The following MICAL3 variants were observed in gnomAD, a reference collection of about 807,000 sequenced individuals.
The protein encoded by MICAL3 is [F-actin]-monooxygenase MICAL3.
MICAL3 carries 62 observed loss-of-function variants against 207.4 expected under a neutral mutation model. That is an observed-to-expected ratio of 0.30 (90% confidence interval 0.24 to 0.37). MICAL3 has a LOEUF of 0.37. Ranked by LOEUF, MICAL3 falls within the 10% of genes least tolerant of loss-of-function variation. The pLI, the probability that MICAL3 is intolerant of heterozygous loss-of-function variation, is 1.00. For synonymous variants in MICAL3, 1,077 were observed against 1,069.3 expected (o/e 1.01, Z -0.14); for missense variants, 2,368 against 2,635.6 (o/e 0.90, Z 2.22).
intron 1 of MICAL3, among the ~76,000 whole-genome samples, chr22:17,986,090 A>G (rs1371404622): frequency 2.6e-5 from 4 of 152,176 alleles, no homozygotes; most frequent in Non-Finnish European, 4.4e-5. Flanking sequence ...TATTTTTAGT[A>G]GAGATAGGGT....
At chr22:17,803,140 C>T (rs1415396128) in intron 29 of MICAL3, among the ~76,000 whole-genome samples, 4 of 152,098 alleles carry the variant, frequency 2.6e-5, no homozygotes. Flanking sequence ...CTAACAGGCT[C>T]CTAGGTGATG....
chr22:17,992,217 C>T (rs1921764510), intron 1 of MICAL3, among the ~76,000 whole-genome samples: 1 of 152,162 alleles, frequency 6.6e-6, no homozygotes, highest in African/African-American at 2.4e-5. Flanking sequence ...GGGAAATGGT[C>T]CCAGCCTTTC....
intron 1 of MICAL3, among the ~76,000 whole-genome samples, chr22:17,959,010 G>GGT (rs1934767224): frequency 1.2e-5 from 1 of 85,868 alleles, no homozygotes; most frequent in Non-Finnish European, 2.1e-5. Context: ...CGGGCCTGGG[G>GGT]TTTTTTTTTT....
intron 1 of MICAL3, among the ~76,000 whole-genome samples, chr22:17,912,299 G>T (rs1336775233): frequency 1.3e-5 from 2 of 151,798 alleles, no homozygotes; most frequent in African/African-American, 4.8e-5. Context: ...TCCTTTAGAA[G>T]GGCTGTTTTG....
intron 16 of MICAL3, chr22:17,876,892 T>TGGAGGTTAG (rs1569109367): frequency 7.8e-5 from 1 of 12,900 alleles, no homozygotes. Context: ...AGGGAGGTTA[T>TGGAGGTTAG]GGAGGTTAGG....
At chr22:17,995,319 G>A (rs1448477544) in intron 1 of MICAL3, among the ~76,000 whole-genome samples, 1 of 150,990 alleles carries the variant, frequency 6.6e-6, no homozygotes, top group East Asian at 2.0e-4. Flanking sequence ...TGCGACTATA[G>A]GTGTACACCA....
intron 16 of MICAL3, among the ~76,000 whole-genome samples, chr22:17,873,219 G>C (rs1927906910): frequency 1.3e-5 from 2 of 152,246 alleles, no homozygotes; most frequent in Non-Finnish European, 2.9e-5. Context: ...GCAGAGCTGG[G>C]CTGCATTCAC....
intron 20 of MICAL3, chr22:17,839,527 G>C (rs1451068964): frequency 6.6e-6 from 1 of 151,354 alleles, no homozygotes; most frequent in Non-Finnish European, 1.5e-5. Flanking sequence ...AAAGTGCTGG[G>C]ATTACAGGCA....
chr22:17,805,515 C>T (rs2061980676), intron 29 of MICAL3, among the ~76,000 whole-genome samples: 1 of 152,220 alleles, frequency 6.6e-6, no homozygotes, highest in South Asian at 2.1e-4. Context: ...GCTACTAAGG[C>T]CCATCTTGAA....
chr22:17,852,176 G>A (rs1372908762), intron 19 of MICAL3, among the ~76,000 whole-genome samples: 1 of 152,120 alleles, frequency 6.6e-6, no homozygotes, highest in Admixed American at 6.5e-5. Flanking sequence ...CTCTTAAATA[G>A]GTTCAGATGC....
At chr22:17,799,419 G>C (rs2061913343) in intron 29 of MICAL3, among the ~76,000 whole-genome samples, 1 of 152,200 alleles carries the variant, frequency 6.6e-6, no homozygotes, top group Non-Finnish European at 1.5e-5. Context: ...CTCAGGGCTG[G>C]AATTCCTTGG....
chr22:17,792,682 C>CA lies in MICAL3; in HGVS notation c.5651-1382dup, dbSNP rs527270250. Among the ~76,000 whole-genome samples, 42 of 152,354 alleles carry CA rather than the reference C, an allele frequency of 2.8e-4. 1 individual carries two copies. Among genetic ancestry groups the CA allele is most frequent in the Non-Finnish European group, 4.0e-4 (27 of 68,032 alleles). On this transcript the variant is annotated intron_variant, in intron 29 of 31. Transcript: ENST00000441493. ...CAAGGAGGCAGAAATGCACCATGTT[C>CA]AACAAGCAGGGGTTAGTGTCTGTAC...
chr22:17,893,830 G>A lies in MICAL3; in HGVS notation c.1524C>T (p.Thr508=). The change falls in exon 11 of 32, where the codon ACC becomes ACT. Residue 508 remains threonine, a synonymous_variant. Coordinates refer to ENST00000441493, the MANE Select transcript of MICAL3 (RefSeq NM_015241.3). ...CACCATTGCGAGTCAATTTGGGGGT[G>A]GTTCGGGAATTCACCAGGCTCTCCA... is the stretch of plus-strand genomic sequence containing the variant. ...LEMESLVNSR[T]TPKLTRNESV... The A allele has an allele frequency of 6.3e-7, 1 of 1,576,480 alleles. No individual in the cohort carries two copies. Among genetic ancestry groups the A allele is most frequent in the Non-Finnish European group, 8.6e-7 (1 of 1,159,688 alleles).
chr22:17,878,886 G>A (rs1245076334), intron 16 of MICAL3, among the ~76,000 whole-genome samples: 5 of 152,108 alleles, frequency 3.3e-5, no homozygotes, highest in South Asian at 4.2e-4. Flanking sequence ...AAATCCTCAC[G>A]CTGGTAAGAG....
At chr22:17,969,297 C>T (rs1935295850) in intron 1 of MICAL3, among the ~76,000 whole-genome samples, 1 of 152,208 alleles carries the variant, frequency 6.6e-6, no homozygotes, top group Non-Finnish European at 1.5e-5. Flanking sequence ...CCTCGGCCTC[C>T]CAAAGTGCTG....
In MICAL3 at chr22:17,912,314, T is replaced by C. The variant is rs548951826; in HGVS notation, c.-74-5428A>G. Among the ~76,000 whole-genome samples the C allele has an allele frequency of 1.3e-3, 197 of 152,150 alleles. 1 individual carries two copies. Among genetic ancestry groups the C allele is most frequent in the Non-Finnish European group, 2.1e-3 (142 of 68,004 alleles). On this transcript the variant is annotated intron_variant, in intron 1 of 31. Coordinates refer to ENST00000441493, the MANE Select transcript of MICAL3 (RefSeq NM_015241.3). ...TCCTTTAGAAGGGCTGTTTTGGCTA[T>C]TCAGGGTCCCTTGAGATTCCATGTA...
intron 1 of MICAL3, among the ~76,000 whole-genome samples, chr22:18,001,733 C>T (rs1007434103): frequency 6.6e-6 from 1 of 152,246 alleles, no homozygotes; most frequent in Non-Finnish European, 1.5e-5. Context: ...TCGTCCTCTC[C>T]GTCCCCCTGC....
At chr22:17,807,356 C>T (rs2061999467) in intron 29 of MICAL3, among the ~76,000 whole-genome samples, 1 of 152,322 alleles carries the variant, frequency 6.6e-6, no homozygotes, top group East Asian at 1.9e-4. Flanking sequence ...GCAGGGGCAC[C>T]GCAGGTTCGC....
In MICAL3 at chr22:17,794,916, C is replaced by T. The variant is rs567371527; in HGVS notation, c.5651-3615G>A. Among the ~76,000 whole-genome samples the T allele has an allele frequency of 1.2e-4, 19 of 152,206 alleles. No individual in the cohort carries two copies. In the South Asian group the frequency reaches 1.5e-3, roughly 12 times the overall value. On this transcript the variant is annotated intron_variant, in intron 29 of 31. Transcript: ENST00000441493. ...CCCAGGAAGACACGGGGCCTCGGCCCGCGGGGAGGGCAGTGTGTGGTTTAC... is the reference window on the plus strand; with the variant it reads ...CCCAGGAAGACACGGGGCCTCGGCCTGCGGGGAGGGCAGTGTGTGGTTTAC...
Sources: gnomAD v4.1 joint callset for allele counts (sites outside exome capture counted in the v4.1 genomes callset) on GRCh38, gnomAD v4.1.1 for gene constraint, MANE v1.5 for transcripts, NCBI Gene and HGNC (gene_info 2026-07-23, HGNC 2026-07-21) for gene names.